Variants in COL19A1 observed in about 807,000 individuals in gnomAD.
COL19A1 encodes the protein collagen type XIX alpha 1 chain, also known as collagen alpha-1(XIX) chain.
In COL19A1, 159 loss-of-function variants were observed where a neutral mutation model predicts 190.2. The observed-to-expected ratio is 0.84, with a 90% confidence interval of 0.73 to 0.95. The LOEUF (loss-of-function observed/expected upper bound fraction) is 0.95, where lower values mean the gene tolerates loss of function less well. Ranked by LOEUF, COL19A1 falls within the 40% of genes least tolerant of loss-of-function variation. The pLI, the probability that COL19A1 is intolerant of heterozygous loss-of-function variation, is 0.00. For missense variants in COL19A1, 1,418 were observed against 1,431.9 expected (o/e 0.99, Z 0.16); for synonymous variants, 509 against 458.9 (o/e 1.11, Z -1.39).
intron 9 of COL19A1, among the ~76,000 whole-genome samples, chr6:69,941,987 G>A (rs1199451408): frequency 1.3e-5 from 2 of 152,150 alleles, no homozygotes; most frequent in Admixed American, 6.6e-5. Flanking sequence ...ACTGCTCTCA[G>A]CACAATGTGC....
At chr6:70,086,610 A>G (rs896857924) in intron 15 of COL19A1, among the ~76,000 whole-genome samples, 2 of 152,186 alleles carry the variant, frequency 1.3e-5, no homozygotes, top group African/African-American at 4.8e-5. Flanking sequence ...ATCTCAACAA[A>G]ATAATTTCAA....
intron 11 of COL19A1, among the ~76,000 whole-genome samples, chr6:69,965,187 AC>A (rs757719190): frequency 8.9e-4 from 136 of 152,162 alleles, no homozygotes; most frequent in Non-Finnish European, 1.8e-3. Context: ...TTCTTTAATT[AC>A]CCTACTGTGG....
At chr6:70,126,868 G>A (rs1355395218) in intron 17 of COL19A1, among the ~76,000 whole-genome samples, 2 of 152,270 alleles carry the variant, frequency 1.3e-5, no homozygotes, top group Admixed American at 6.5e-5. Context: ...TCAAACTATA[G>A]CAATAGTGAT....
At chr6:70,142,864 T>C (rs201778152) in intron 23 of COL19A1, 44 bp downstream of exon 23, 35 of 1,542,214 alleles carry the variant, frequency 2.3e-5, no homozygotes, top group Non-Finnish European at 3.1e-5. Context: ...AAATTGAGAC[T>C]AGGACATGTT....
Position 69,921,527 on chromosome 6 carries a change from T to A in COL19A1, c.267-6382T>A, listed in dbSNP as rs1771927439. Among the ~76,000 whole-genome samples the A allele has an allele frequency of 5.0e-5, 7 of 141,368 alleles. No individual in the cohort carries two copies. In the South Asian group the frequency reaches 1.5e-3, roughly 31 times the overall value. 92.7% of individuals were successfully genotyped at this position (141,368 alleles called of 152,430 possible). ...ATATATTCATATGTATATTCATATA[T>A]ATTCATGTATATTCATATATATTCA... On this transcript the variant is annotated intron_variant, in intron 4 of 50. Coordinates refer to ENST00000620364, the MANE Select transcript of COL19A1 (RefSeq NM_001858.6).
At chr6:69,925,655 G>C (rs1772325720) in intron 4 of COL19A1, among the ~76,000 whole-genome samples, 1 of 152,120 alleles carries the variant, frequency 6.6e-6, no homozygotes, top group Non-Finnish European at 1.5e-5. Context: ...GGATGGCATT[G>C]AATCTATAAA....
chr6:70,154,114 C>T (rs188468275), intron 31 of COL19A1, among the ~76,000 whole-genome samples: 5 of 149,412 alleles, frequency 3.3e-5, no homozygotes, highest in Non-Finnish European at 4.4e-5. Context: ...CCTACCCCCC[C>T]CAACCCCCCA....
chr6:69,937,044 TGG>T, intron 8 of COL19A1, 134 bp downstream of exon 8: 2 of 1,287,482 alleles, frequency 1.6e-6, no homozygotes, highest in Non-Finnish European at 2.1e-6. Context: ...GTTACTGGGG[TGG>T]GTTAAGAAAA....
At chr6:69,984,588 G>C (rs1403772490) in intron 11 of COL19A1, among the ~76,000 whole-genome samples, 1 of 151,860 alleles carries the variant, frequency 6.6e-6, no homozygotes, top group Admixed American at 6.6e-5. Flanking sequence ...TTTTAGTCTT[G>C]TAGCTAAATG....
In COL19A1 at chr6:69,921,055, T is replaced by TCATATATATTCATAGA. The variant is rs1554165912; in HGVS notation, c.267-6848_267-6833dup. On this transcript the variant is annotated intron_variant, in intron 4 of 50. Coordinates refer to ENST00000620364, the MANE Select transcript of COL19A1 (RefSeq NM_001858.6). ...TATATCATATATATTCATAGACATA[T>TCATATATATTCATAGA]CATATATATTCATAGACATATCATA... Among the ~76,000 whole-genome samples, 140 of 51,356 alleles carry TCATATATATTCATAGA rather than the reference T, an allele frequency of 2.7e-3. 4 individuals carry two copies. The East Asian group carries it at 0.058, about 21-fold the overall frequency. The allele number at this position is 51,356 out of a possible 152,430, so 33.7% of individuals were successfully genotyped here.
Position 70,034,335 on chromosome 6 carries a change from A to T in COL19A1, c.1134+37A>T, listed in dbSNP as rs762988206. On this transcript the variant is annotated intron_variant, in intron 13 of 50. Coordinates refer to ENST00000620364, the MANE Select transcript of COL19A1 (RefSeq NM_001858.6). ...ACCCAGCCAAGCCCAACCTTTCTTTAAGAAAACTCTGACAACCTATGCAGT... is the reference window on the plus strand; with the variant it reads ...ACCCAGCCAAGCCCAACCTTTCTTTTAGAAAACTCTGACAACCTATGCAGT... 40 of 1,535,976 alleles carry T rather than the reference A, an allele frequency of 2.6e-5. No individual in the cohort carries two copies. The Admixed American group carries it at 2.7e-4, about 10-fold the overall frequency.
At chr6:70,136,802 G>A (rs1439436191) in intron 18 of COL19A1, among the ~76,000 whole-genome samples, 1 of 151,862 alleles carries the variant, frequency 6.6e-6, no homozygotes, top group African/African-American at 2.4e-5. Context: ...TTCTTTTGAA[G>A]TAAAAAAATA....
chr6:70,062,740 C>A (rs988304218), intron 14 of COL19A1, among the ~76,000 whole-genome samples: 3 of 152,160 alleles, frequency 2.0e-5, no homozygotes, highest in Non-Finnish European at 4.4e-5. Context: ...AAACCTATCT[C>A]ATCTGCAGAG....
intron 12 of COL19A1, among the ~76,000 whole-genome samples, chr6:70,032,534 A>G (rs2150114634): frequency 6.6e-6 from 1 of 152,340 alleles, no homozygotes; most frequent in Non-Finnish European, 1.5e-5. Context: ...AAAAGGGAAC[A>G]GGAGAAAATA....
At chr6:69,921,226 A>C (rs1406048366) in intron 4 of COL19A1, among the ~76,000 whole-genome samples, 1 of 131,880 alleles carries the variant, frequency 7.6e-6, no homozygotes, top group Non-Finnish European at 1.5e-5. Flanking sequence ...ATATATCCAT[A>C]TGTATTATAT....
chr6:70,188,080 T>C lies in COL19A1; in HGVS notation c.2862T>C (p.Asp954=). 1.2e-6 allele frequency: 2 copies of C among 1,613,386 alleles called. No individual in the cohort carries two copies. The highest frequency in any genetic ancestry group is 1.7e-6 in the Non-Finnish European group (2 of 1,179,700). The change falls in exon 47 of 51, where the codon GAT becomes GAC. Residue 954 remains aspartate, a synonymous_variant. Transcript: ENST00000620364. The part of the protein sequence containing the change: ...GDRGPKGERG[D]QGIPGDRGSQ... The stretch of plus-strand genomic sequence containing the variant: ...TATTATTTTTTCCTTAACAGGGTGA[T>C]CAGGGGATTCCAGGAGACAGAGGCT...
At chr6:70,082,849 T>A (rs550395399) in intron 15 of COL19A1, among the ~76,000 whole-genome samples, 60 of 152,314 alleles carry the variant, frequency 3.9e-4, no homozygotes, top group African/African-American at 1.3e-3. Flanking sequence ...TCCACCTCAA[T>A]CATCAGGTCT....
chr6:70,182,160 G>A (rs1013065654), intron 44 of COL19A1, among the ~76,000 whole-genome samples: 4 of 152,142 alleles, frequency 2.6e-5, no homozygotes, highest in African/African-American at 9.7e-5. Flanking sequence ...TCATCTCCAC[G>A]AGAAGTAATG....
At chr6:70,137,569 T>A in intron 18 of COL19A1, 116 bp from the exon 19 acceptor site, 1 of 915,948 alleles carries the variant, frequency 1.1e-6, no homozygotes, top group East Asian at 2.4e-5. Flanking sequence ...GTCTGTTGGA[T>A]GCTAATAGAT....
Sources: gnomAD v4.1 joint callset for allele counts (sites outside exome capture counted in the v4.1 genomes callset) on GRCh38, gnomAD v4.1.1 for gene constraint, MANE v1.5 for transcripts, NCBI Gene and HGNC (gene_info 2026-07-23, HGNC 2026-07-21) for gene names.